Variants in LRP2BP observed in about 807,000 individuals in gnomAD.
LRP2BP encodes LRP2 binding protein, also known as LRP2-binding protein.
Under a neutral mutation model 45.2 loss-of-function variants are expected in LRP2BP, and 38 were observed. That is an observed-to-expected ratio of 0.84 (90% CI 0.65 to 1.10). LRP2BP has a LOEUF of 1.10. Ranked by LOEUF, LRP2BP falls within the 50% of genes least tolerant of loss-of-function variation. The pLI, the probability that LRP2BP is intolerant of heterozygous loss-of-function variation, is 0.00. For synonymous variants in LRP2BP, 153 were observed against 153.9 expected (o/e 0.99, Z 0.04); for missense variants, 385 against 418.9 (o/e 0.92, Z 0.71).
chr4:185,390,197 C>T lies in LRP2BP; in HGVS notation c.-22+4582G>A, dbSNP rs2095484395. 2.0e-5 allele frequency among the ~76,000 whole-genome samples: 3 copies of T among 152,112 alleles called. No individual in the cohort carries two copies. The South Asian group carries it at 6.2e-4, about 32-fold the overall frequency. On this transcript the variant is annotated intron_variant, in intron 1 of 8. Coordinates refer to ENST00000505916, the MANE Select transcript of LRP2BP (RefSeq NM_001377440.1). ...TAAAAACAAGCTCTCATGTCTCACTCATATCTCATCAGTTACATAATATTT... is the reference window on the plus strand; with the variant it reads ...TAAAAACAAGCTCTCATGTCTCACTTATATCTCATCAGTTACATAATATTT...
intron 1 of LRP2BP, among the ~76,000 whole-genome samples, chr4:185,386,902 T>C (rs1016698296): frequency 1.3e-5 from 2 of 152,090 alleles, no homozygotes; most frequent in Non-Finnish European, 2.9e-5. Flanking sequence ...TACTATTATA[T>C]AAAAGTAAAG....
In LRP2BP at chr4:185,365,787, GA is replaced by G. The variant is rs1247033184; in HGVS notation, c.*1392del. 1 of 151,976 alleles carries G rather than the reference GA, an allele frequency of 6.6e-6. No individual in the cohort carries two copies. Among genetic ancestry groups the G allele is most frequent in the South Asian group, 2.1e-4 (1 of 4,826 alleles). The allele number at this position is 151,976 out of a possible 1,614,324, so 9.4% of individuals were successfully genotyped here. ...AATTTGGATCTTCAAGTGGTTGAAG[GA>G]ATGTTACATGGGTGGTATTAAGAGA... is the stretch of plus-strand genomic sequence containing the variant. On this transcript the variant is annotated 3_prime_UTR_variant, in exon 9 of 9. Transcript: ENST00000505916.
At position 185,376,443 on chromosome 4, in the gene LRP2BP, C is replaced by CTTTTTTTTTTTTTTTTTTTTTT; in HGVS notation, c.216+444_216+465dup. Among the ~76,000 whole-genome samples the CTTTTTTTTTTTTTTTTTTTTTT allele has an allele frequency of 1.9e-5, 2 of 105,824 alleles. 1 individual carries two copies. Among genetic ancestry groups the CTTTTTTTTTTTTTTTTTTTTTT allele is most frequent in the African/African-American group, 7.8e-5 (2 of 25,676 alleles). The allele number at this position is 105,824 out of a possible 152,430, so 69.4% of individuals were successfully genotyped here. On this transcript the variant is annotated intron_variant, in intron 3 of 8. Coordinates refer to ENST00000505916, the MANE Select transcript of LRP2BP (RefSeq NM_001377440.1). The stretch of plus-strand genomic sequence containing the variant: ...AGATGTGTGCCACCATGCCCAGCTA[C>CTTTTTTTTTTTTTTTTTTTTTT]TTTTTTTTTTTTTTTTTTTTTTGTA...
At chr4:185,376,479 A>T (rs1372124365) in intron 3 of LRP2BP, among the ~76,000 whole-genome samples, 10 of 140,908 alleles carry the variant, frequency 7.1e-5, no homozygotes, top group Non-Finnish European at 1.4e-4. Flanking sequence ...TTTTTAGTAC[A>T]GATGGGGTGT....
At chr4:185,396,024 G>A, upstream of LRP2BP, 1 of 499,232 alleles carries the variant, frequency 2.0e-6, no homozygotes, top group Non-Finnish European at 2.6e-6. Context: ...GCCGGACAGC[G>A]GCTTCACCAG....
At chr4:185,379,860 C>G (rs2095450567) in intron 1 of LRP2BP, among the ~76,000 whole-genome samples, 1 of 152,140 alleles carries the variant, frequency 6.6e-6, no homozygotes, top group South Asian at 2.1e-4. Flanking sequence ...CTCTGTCATC[C>G]AGGCTAGAAG....
At chr4:185,385,655 C>G (rs1017957349) in intron 1 of LRP2BP, among the ~76,000 whole-genome samples, 1 of 152,332 alleles carries the variant, frequency 6.6e-6, no homozygotes, top group Non-Finnish European at 1.5e-5. Flanking sequence ...GTAATCCCAG[C>G]ACTTTGTGAG....
chr4:185,374,147 C>G lies in LRP2BP; in HGVS notation c.567G>C (p.Lys189Asn). The G allele has an allele frequency of 6.2e-7, 1 of 1,613,950 alleles. No individual in the cohort carries two copies. Among genetic ancestry groups the G allele is most frequent in the African/African-American group, 1.3e-5 (1 of 75,024 alleles). Reference sequence around the variant, plus strand: ...GAGGGAACGTTACCTTTTCTAACTCCTTGGGCTCCTTGGTTGAGTAATACA... The same window carrying G: ...GAGGGAACGTTACCTTTTCTAACTCGTTGGGCTCCTTGGTTGAGTAATACA... Reference protein sequence around the residue: ...LGLYYSTKEPKELEKAFYWHS... With the variant: ...LGLYYSTKEPNELEKAFYWHS... Residue 189 changes from lysine (K) to asparagine (N), a missense_variant, in exon 6 of 9, where the codon AAG becomes AAC. Transcript: ENST00000505916.
intron 1 of LRP2BP, chr4:185,378,495 T>C: frequency 8.9e-7 from 1 of 1,118,740 alleles, no homozygotes; most frequent in South Asian, 3.1e-5. Flanking sequence ...TCAAGATGGG[T>C]CAAGTCACCC....
Position 185,372,972 on chromosome 4 carries a change from A to G in LRP2BP, c.687T>C (p.Ala229=), listed in dbSNP as rs767765560. Reference sequence around the variant, plus strand: ...CTGCTTCTCTTAAGCACTGCAGGGCAGCTTCCGTATCCTGCCGGATGCCTT... The same window carrying G: ...CTGCTTCTCTTAAGCACTGCAGGGCGGCTTCCGTATCCTGCCGGATGCCTT... ...YGQGIRQDTE[A]ALQCLREAAE... is the part of the protein sequence containing the mutation. The change falls in exon 7 of 9, where the codon GCT becomes GCC. Residue 229 remains alanine (A), a synonymous_variant. Coordinates refer to ENST00000505916, the MANE Select transcript of LRP2BP (RefSeq NM_001377440.1). The G allele has an allele frequency of 5.6e-6, 9 of 1,614,024 alleles. No individual in the cohort carries two copies. In the South Asian group the frequency reaches 9.9e-5, roughly 18 times the overall value.
At chr4:185,391,348 TC>T (rs1467504136) in intron 1 of LRP2BP, among the ~76,000 whole-genome samples, 1 of 152,166 alleles carries the variant, frequency 6.6e-6, no homozygotes, top group Non-Finnish European at 1.5e-5. Context: ...CGCTTCGTTT[TC>T]CCCTTCCCAT....
At position 185,373,025 on chromosome 4, in the gene LRP2BP, C is replaced by T. The variant is rs768117454; in HGVS notation, c.634G>A (p.Ala212Thr). ...CCATACAAGTACATGAGCCCAAGTG[C>T]ACCCTGGGACTCCAGATTCCCATTG... ...CGNGNLESQGALGLMYLYGQG... is the reference protein window; with the variant it reads ...CGNGNLESQGTLGLMYLYGQG... The change falls in exon 7 of 9, where the codon GCA (alanine) becomes ACA (threonine). Residue 212 changes from alanine to threonine, a missense_variant. By Grantham distance (58) the Ala-to-Thr change is moderately conservative (BLOSUM62 0). Transcript: ENST00000505916. 3.7e-6 allele frequency: 6 copies of T among 1,612,704 alleles called. No individual in the cohort carries two copies. Among genetic ancestry groups the T allele is most frequent in the African/African-American group, 2.7e-5 (2 of 75,032 alleles).
chr4:185,379,392 A>G (rs2095448598), intron 1 of LRP2BP, among the ~76,000 whole-genome samples: 2 of 152,258 alleles, frequency 1.3e-5, no homozygotes, highest in African/African-American at 4.8e-5. Context: ...CATTGAAGAC[A>G]TTAACTCAAT....
At chr4:185,388,118 C>T (rs1460454635) in intron 1 of LRP2BP, among the ~76,000 whole-genome samples, 1 of 152,168 alleles carries the variant, frequency 6.6e-6, no homozygotes, top group Admixed American at 6.5e-5. Context: ...CAGCTAGAAA[C>T]CCAGATGATG....
Position 185,373,092 on chromosome 4 carries a change from C to A in LRP2BP, c.580-13G>T, listed in dbSNP as rs1334457999. 60 of 1,592,058 alleles carry A rather than the reference C, an allele frequency of 3.8e-5. No homozygotes were observed. Among genetic ancestry groups the A allele is most frequent in the Non-Finnish European group, 4.9e-5 (57 of 1,160,906 alleles). On this transcript the variant is annotated splice_polypyrimidine_tract_variant and intron_variant, in intron 6 of 8. Transcript: ENST00000505916. ...GCCAGTAAAATGCCTAAGAAAAGCACAGTTTCATCATTGTATTTGTGATCC... is the reference window on the plus strand; with the variant it reads ...GCCAGTAAAATGCCTAAGAAAAGCAAAGTTTCATCATTGTATTTGTGATCC...
chr4:185,394,369 G>A (rs1580024127), intron 1 of LRP2BP, among the ~76,000 whole-genome samples: 1 of 150,956 alleles, frequency 6.6e-6, no homozygotes. Context: ...ATAGGTATAA[G>A]AATGTGGGCT....
chr4:185,385,916 G>GGGGGT lies in LRP2BP; in HGVS notation c.-21-7710_-21-7709insACCCC, dbSNP rs758927819. Among the ~76,000 whole-genome samples, 1,110 of 137,798 alleles carry GGGGGT rather than the reference G, an allele frequency of 8.1e-3. 24 individuals are homozygous for GGGGGT. The highest frequency in any genetic ancestry group is 0.012 in the Non-Finnish European group (779 of 62,746). 90.4% of individuals were successfully genotyped at this position (137,798 alleles called of 152,430 possible). ...ACTCTGTCTCGGGGAGGGGGGGGGG[G>GGGGGT]AGATAAAGAAATAACATCATCTTAT... is the stretch of plus-strand genomic sequence containing the variant. On this transcript the variant is annotated intron_variant, in intron 1 of 8. Coordinates refer to ENST00000505916, the MANE Select transcript of LRP2BP (RefSeq NM_001377440.1).
intron 7 of LRP2BP, 38 bp from the exon 8 acceptor site, chr4:185,370,852 A>C: frequency 2.5e-6 from 4 of 1,604,650 alleles, no homozygotes; most frequent in Non-Finnish European, 2.6e-6. Flanking sequence ...AAAAGACATC[A>C]GTTATGGTAA....
chr4:185,396,534 A>G (rs1429149280), upstream of LRP2BP: 1 of 251,316 alleles, frequency 4.0e-6, no homozygotes, highest in Non-Finnish European at 7.6e-6. Context: ...ACGCCCACTG[A>G]CTTACCCTGC....
Sources: allele counts gnomAD v4.1 joint callset (sites outside exome capture counted in the v4.1 genomes callset), GRCh38; gene constraint gnomAD v4.1.1; transcripts MANE v1.5; gene names NCBI Gene and HGNC (gene_info 2026-07-23, HGNC 2026-07-21).